Variants in NRG3 observed in about 807,000 individuals in gnomAD.
The protein encoded by NRG3 is neuregulin 3.
In NRG3, 31 loss-of-function variants were observed where a neutral mutation model predicts 66.9. That is an observed-to-expected ratio of 0.46 (90% CI 0.35 to 0.63). The LOEUF (loss-of-function observed/expected upper bound fraction) is 0.63. NRG3 is among the 20% of genes least tolerant of loss of function. The pLI is 0.00. For synonymous variants in NRG3, 393 were observed against 359.4 expected (o/e 1.09, Z -1.06); for missense variants, 910 against 878.9 (o/e 1.04, Z -0.45).
intron 1 of NRG3, among the ~76,000 whole-genome samples, chr10:82,184,564 C>A (rs572626982): frequency 5.7e-4 from 86 of 152,208 alleles, no homozygotes; most frequent in African/African-American, 1.6e-3. Context: ...ATAATACTTT[C>A]TATATGTAAA....
intron 3 of NRG3, among the ~76,000 whole-genome samples, chr10:82,774,899 T>C (rs1233982319): frequency 2.1e-5 from 3 of 142,824 alleles, no homozygotes; most frequent in Non-Finnish European, 4.5e-5. Context: ...CTCAGCTCAC[T>C]GCAACCTCTG....
intron 2 of NRG3, among the ~76,000 whole-genome samples, chr10:82,475,271 A>T (rs1481160588): frequency 6.6e-6 from 1 of 152,088 alleles, no homozygotes; most frequent in African/African-American, 2.4e-5. Context: ...AAGAGGGAAA[A>T]ATACTAACAC....
chr10:82,958,971 G>T lies in NRG3; in HGVS notation c.1180G>T (p.Glu394Ter). ...CAGGAAACAAGCTAAACAAATCCAAGAGCAGCTGAAAGTGCCACAAAATGG... is the reference window on the plus strand; with the variant it reads ...CAGGAAACAAGCTAAACAAATCCAATAGCAGCTGAAAGTGCCACAAAATGG... ...KSKKQAKQIQ[E>*]QLKVPQNGKS... The change falls in exon 6 of 9, where the codon GAG becomes TAG. Residue 394 changes from glutamate to a stop codon, truncating the protein, a stop_gained. Transcript: ENST00000372141. LOFTEE classifies it high-confidence loss of function. 6.2e-7 allele frequency: 1 copy of T among 1,600,178 alleles called. No homozygotes were observed. Among genetic ancestry groups the T allele is most frequent in the Non-Finnish European group, 8.5e-7 (1 of 1,175,860 alleles).
chr10:82,404,251 G>A (rs1056667322), intron 2 of NRG3, among the ~76,000 whole-genome samples: 5 of 152,084 alleles, frequency 3.3e-5, no homozygotes, highest in African/African-American at 1.2e-4. Context: ...CACCCCTTCG[G>A]GATGGTTTTT....
intron 1 of NRG3, among the ~76,000 whole-genome samples, chr10:81,935,044 C>A (rs955062334): frequency 6.6e-6 from 1 of 152,144 alleles, no homozygotes; most frequent in Admixed American, 6.5e-5. Flanking sequence ...CTGTTTATTA[C>A]ATTGTGTTAT....
intron 1 of NRG3, among the ~76,000 whole-genome samples, chr10:82,343,854 T>G (rs570953232): frequency 6.6e-6 from 1 of 152,154 alleles, no homozygotes; most frequent in South Asian, 2.1e-4. Context: ...GAGTTAACAT[T>G]TAGCCCCAGA....
intron 1 of NRG3, among the ~76,000 whole-genome samples, chr10:82,152,864 TTTTTC>T (rs2070876534): frequency 6.6e-6 from 1 of 151,504 alleles, no homozygotes; most frequent in Non-Finnish European, 1.5e-5. Flanking sequence ...CTTTTCTTTC[TTTTTC>T]TTTTCTTTCT....
intron 4 of NRG3, among the ~76,000 whole-genome samples, chr10:82,933,843 A>G (rs1847815834): frequency 6.6e-6 from 1 of 152,216 alleles, no homozygotes; most frequent in Non-Finnish European, 1.5e-5. Context: ...ACTTATTTCA[A>G]TATCCCATGT....
intron 4 of NRG3, among the ~76,000 whole-genome samples, chr10:82,914,914 T>C (rs775792417): frequency 1.3e-4 from 20 of 152,168 alleles, no homozygotes; most frequent in Admixed American, 5.2e-4. Flanking sequence ...AAGGCCTTTG[T>C]TAAGGAGAAC....
intron 1 of NRG3, among the ~76,000 whole-genome samples, chr10:82,201,509 C>T (rs1212672244): frequency 2.0e-5 from 3 of 152,132 alleles, no homozygotes; most frequent in African/African-American, 7.2e-5. Context: ...TTAGTGAAAT[C>T]TACTACAGGA....
chr10:82,133,084 C>A (rs1053935529), intron 1 of NRG3, among the ~76,000 whole-genome samples: 7 of 151,022 alleles, frequency 4.6e-5, no homozygotes, highest in African/African-American at 9.7e-5. Context: ...TTTATTATTT[C>A]TTTTCTTCTA....
intron 3 of NRG3, among the ~76,000 whole-genome samples, chr10:82,762,697 A>G (rs1252884264): frequency 6.6e-6 from 1 of 152,182 alleles, no homozygotes; most frequent in Non-Finnish European, 1.5e-5. Flanking sequence ...AATGTATTCA[A>G]CTCTTGTCTT....
intron 1 of NRG3, among the ~76,000 whole-genome samples, chr10:82,088,044 A>G (rs970907545): frequency 6.6e-6 from 1 of 152,140 alleles, no homozygotes; most frequent in South Asian, 2.1e-4. Context: ...CTGGGATGAA[A>G]CAGAGTAAAG....
chr10:81,970,784 G>T (rs2059905599), intron 1 of NRG3, among the ~76,000 whole-genome samples: 1 of 152,090 alleles, frequency 6.6e-6, no homozygotes, highest in African/African-American at 2.4e-5. Context: ...ATTTAGGTTT[G>T]GTGGGGCTCA....
chr10:82,879,542 G>A lies in NRG3; in HGVS notation c.1054+14105G>A, dbSNP rs369041462. 1.5e-4 allele frequency among the ~76,000 whole-genome samples: 22 copies of A among 144,688 alleles called. No homozygotes were observed. The East Asian group carries it at 2.8e-3, about 18-fold the overall frequency. The allele number at this position is 144,688 out of a possible 152,430, so 94.9% of individuals were successfully genotyped here. A position where few individuals can be genotyped will look rare whatever the true frequency, so the allele number is the denominator to read the frequency against. On this transcript the variant is annotated intron_variant, in intron 4 of 8. Coordinates refer to ENST00000372141, the MANE Select transcript of NRG3 (RefSeq NM_001010848.4). Reference sequence around the variant, plus strand: ...GGCTGGAGTGCAGTGGCGCGATCTCGGCTCACTGCAAGCTCCACCTCCCGG... The same window carrying A: ...GGCTGGAGTGCAGTGGCGCGATCTCAGCTCACTGCAAGCTCCACCTCCCGG...
intron 4 of NRG3, among the ~76,000 whole-genome samples, chr10:82,934,078 T>C (rs1391029980): frequency 6.6e-6 from 1 of 152,168 alleles, no homozygotes; most frequent in Non-Finnish European, 1.5e-5. Context: ...GGAAATTCCT[T>C]CAGGGTCAGG....
intron 1 of NRG3, among the ~76,000 whole-genome samples, chr10:82,001,175 T>TA (rs1322592086): frequency 6.9e-6 from 1 of 145,712 alleles, no homozygotes; most frequent in East Asian, 2.0e-4. Context: ...CATACATTTT[T>TA]AAAAAAGGAA....
At position 82,927,287 on chromosome 10, in the gene NRG3, A is replaced by G. The variant is rs1361181517; in HGVS notation, c.1055-24182A>G. Among the ~76,000 whole-genome samples the G allele has an allele frequency of 2.0e-5, 3 of 152,238 alleles. No homozygotes were observed. The East Asian group carries it at 5.8e-4, about 29-fold the overall frequency. On this transcript the variant is annotated intron_variant, in intron 4 of 8. Transcript: ENST00000372141. ...TGGCAATTCAAAAAAATACTTAAAA[A>G]TTAGTTTGAGACATTATTTAAATTT...
chr10:82,245,020 G>A (rs977177787), intron 1 of NRG3, among the ~76,000 whole-genome samples: 3 of 152,026 alleles, frequency 2.0e-5, no homozygotes, highest in Non-Finnish European at 2.9e-5. Flanking sequence ...GTGAGCCACC[G>A]CACCCAGCCA....
Sources: allele counts gnomAD v4.1 joint callset (sites outside exome capture counted in the v4.1 genomes callset), GRCh38; gene constraint gnomAD v4.1.1; transcripts MANE v1.5; gene names NCBI Gene and HGNC (gene_info 2026-07-23, HGNC 2026-07-21).